Variants in IDUA observed in about 807,000 individuals in gnomAD.
IDUA encodes alpha-L-iduronidase.
Under a neutral mutation model 68.9 loss-of-function variants are expected in IDUA, and 65 were observed. That is an observed-to-expected ratio of 0.94 (90% CI 0.77 to 1.16). IDUA has a LOEUF of 1.16. Among genes scored for constraint, IDUA ranks in the 50% most tolerant of loss-of-function variants. IDUA has a pLI of 0.00. For missense variants in IDUA, 1,046 were observed against 938.0 expected (o/e 1.12, Z -1.50); for synonymous variants, 529 against 433.6 (o/e 1.22, Z -2.73).
chr4:1,002,194 G>A (rs1577540692), intron 7 of IDUA, 33 bp downstream of exon 7: 3 of 1,564,684 alleles, frequency 1.9e-6, no homozygotes, highest in East Asian at 4.8e-5. Flanking sequence ...GCGCCCCCCG[G>A]CCACCTTCCT....
chr4:990,081 G>GT, intron 2 of IDUA: 1 of 1,600,072 alleles, frequency 6.2e-7, no homozygotes, highest in Non-Finnish European at 8.5e-7. Context: ...CCCTCAGGCG[G>GT]TGTCGGTAGC....
rs113651406 is a variant in IDUA at position 997,179 on chromosome 4, C to T, written c.300-3433C>T. ...TCCCAGAGACCCTCCCGCGGGTGGG[C>T]GAGCTCCGAGGTCTGGAGAAGAGGA... On this transcript the variant is annotated intron_variant, in intron 2 of 13. Coordinates refer to ENST00000514224, the MANE Select transcript of IDUA (RefSeq NM_000203.5). Among the ~76,000 whole-genome samples the T allele has an allele frequency of 3.5e-3, 537 of 152,222 alleles. 1 individual carries two copies. Among genetic ancestry groups the T allele is most frequent in the South Asian group, 0.012 (60 of 4,830 alleles).
At chr4:999,136 G>A (rs563691034) in intron 2 of IDUA, among the ~76,000 whole-genome samples, 4 of 151,772 alleles carry the variant, frequency 2.6e-5, no homozygotes, top group African/African-American at 7.3e-5. Flanking sequence ...ACCCGGGAGG[G>A]GGAGCTTGCA....
At chr4:1,003,857 C>G (rs1715278976) in intron 12 of IDUA, 155 bp from the exon 13 acceptor site, 1 of 833,200 alleles carries the variant, frequency 1.2e-6, no homozygotes, top group Admixed American at 1.8e-5. Flanking sequence ...CTCCAGCCCT[C>G]TCCTGCCTGG....
intron 4 of IDUA, 73 bp downstream of exon 4, chr4:1,001,062 AGGCTGCT>A (rs1296351106): frequency 8.7e-6 from 9 of 1,031,438 alleles, no homozygotes; most frequent in Non-Finnish European, 1.4e-5. Context: ...CCTATCACGC[AGGCTGCT>A]GCCTGGTCAG....
chr4:990,231 G>A (rs1284464037), intron 2 of IDUA: 1 of 1,575,576 alleles, frequency 6.3e-7, no homozygotes, highest in South Asian at 1.2e-5. Flanking sequence ...GGTGCCGCGG[G>A]ATCCGCACGC....
In IDUA at chr4:1,004,039, C is replaced by T. The variant is rs1457677853; in HGVS notation, c.1755C>T (p.Phe585=). The T allele has an allele frequency of 5.6e-6, 9 of 1,612,100 alleles. No homozygotes were observed. The highest frequency in any genetic ancestry group is 1.7e-5 in the Admixed American group (1 of 59,786). Reference sequence around the variant, plus strand: ...GCCTGTGGACATACGAGATCCAGTTCTCTCAGGACGGTAAGGCGTACACCC... The same window carrying T: ...GCCTGTGGACATACGAGATCCAGTTTTCTCAGGACGGTAAGGCGTACACCC... ...SKCLWTYEIQ[F]SQDGKAYTPV... Residue 585 remains phenylalanine, a synonymous_variant, in exon 13 of 14, where the codon TTC becomes TTT. Coordinates refer to ENST00000514224, the MANE Select transcript of IDUA (RefSeq NM_000203.5). The surrounding 1 kb of genome is among the most constrained non-coding windows in gnomAD (Gnocchi z 5.0).
intron 2 of IDUA, chr4:988,151 TCCTGCAGGTCTC>T (rs1713896098): frequency 1.3e-5 from 18 of 1,399,586 alleles, no homozygotes; most frequent in Non-Finnish European, 1.7e-5. Context: ...ACGGTGGGCT[TCCTGCAGGTCTC>T]CCTGCAGGCT....
chr4:1,002,904 C>A lies in IDUA; in HGVS notation c.1362C>A (p.Val454=), dbSNP rs1394012754. The A allele has an allele frequency of 2.1e-6, 3 of 1,401,820 alleles. No homozygotes were observed. The highest frequency in any genetic ancestry group is 2.8e-6 in the Non-Finnish European group (3 of 1,084,886). The allele number at this position is 1,401,820 out of a possible 1,614,324, so 86.8% of individuals were successfully genotyped here. The change falls in exon 9 of 14, where the codon GTC becomes GTA. Residue 454 remains valine (V), a synonymous_variant. Transcript: ENST00000514224. ...DDTRAHPNRS[V]AVTLRLRGVP... ...CCCGCGCCCACCCCAACCGCAGCGT[C>A]GCGGTGACCCTGCGGCTGCGCGGGG...
chr4:1,001,384 C>A, intron 4 of IDUA, 84 bp from the exon 5 acceptor site: 1 of 1,149,446 alleles, frequency 8.7e-7, no homozygotes, highest in Non-Finnish European at 1.3e-6. Flanking sequence ...GTCAGACGCC[C>A]TTCATCACCT....
chr4:988,424 G>A, intron 2 of IDUA: 2 of 1,071,262 alleles, frequency 1.9e-6, no homozygotes, highest in Non-Finnish European at 2.3e-6. Context: ...AGAGCCGCTG[G>A]CTCCTACCAG....
intron 10 of IDUA, 75 bp from the exon 11 acceptor site, chr4:1,003,270 G>A (rs1461654307): frequency 3.0e-6 from 4 of 1,351,338 alleles, no homozygotes; most frequent in African/African-American, 3.1e-5. Flanking sequence ...GGTGGGCCGG[G>A]GGCGTTCGCC....
intron 2 of IDUA, chr4:990,964 C>T (rs1380227609): frequency 1.4e-6 from 1 of 703,310 alleles, no homozygotes. Context: ...GGTGCCTCGC[C>T]CTGGGATGCC....
intron 2 of IDUA, chr4:988,186 C>A: frequency 7.3e-7 from 1 of 1,368,490 alleles, no homozygotes; most frequent in Non-Finnish European, 9.4e-7. Flanking sequence ...GGGTTGGCTG[C>A]GCCGCACCTG....
intron 2 of IDUA, chr4:989,627 G>A: frequency 1.3e-6 from 2 of 1,599,684 alleles, no homozygotes; most frequent in Non-Finnish European, 1.7e-6. Flanking sequence ...ACGCTTCGCT[G>A]TAGGTCGTGG....
At chr4:996,107 T>C (rs969547193) in intron 2 of IDUA, among the ~76,000 whole-genome samples, 1 of 152,220 alleles carries the variant, frequency 6.6e-6, no homozygotes, top group Non-Finnish European at 1.5e-5. Flanking sequence ...TGCCCTGTCC[T>C]CCAGAGTCTG....
At chr4:1,002,609 G>A in intron 8 of IDUA, 123 bp from the exon 9 acceptor site, 1 of 1,173,334 alleles carries the variant, frequency 8.5e-7, no homozygotes, top group Non-Finnish European at 1.1e-6. Flanking sequence ...CGGCCTCCGC[G>A]TGGCGGGGCC....
intron 2 of IDUA, among the ~76,000 whole-genome samples, chr4:993,945 G>A (rs533911327): frequency 5.3e-5 from 8 of 152,366 alleles, no homozygotes; most frequent in South Asian, 2.1e-4. Context: ...TCAAGGTGCC[G>A]TGACTGGCCA....
At chr4:988,535 G>T (rs1055806790) in intron 2 of IDUA, 4 of 1,228,298 alleles carry the variant, frequency 3.3e-6, no homozygotes, top group Non-Finnish European at 4.1e-6. Context: ...TGTCAACCCT[G>T]AGCGTCAGGT....
Sources: allele counts gnomAD v4.1 joint callset (sites outside exome capture counted in the v4.1 genomes callset), GRCh38; gene constraint gnomAD v4.1.1; non-coding constraint Gnocchi (gnomAD v3.1); transcripts MANE v1.5; gene names NCBI Gene and HGNC (gene_info 2026-07-23, HGNC 2026-07-21).